Variants in KIF13A observed in about 807,000 individuals in gnomAD.
The protein encoded by KIF13A is kinesin-like protein KIF13A.
Under a neutral mutation model 212.2 loss-of-function variants are expected in KIF13A, and 79 were observed. That is an observed-to-expected ratio of 0.37 (90% CI 0.31 to 0.45). KIF13A has a LOEUF of 0.45. KIF13A is among the 20% of genes least tolerant of loss of function. The pLI, the probability that KIF13A is intolerant of heterozygous loss-of-function variation, is 1.00. For missense variants in KIF13A, 1,901 were observed against 2,209.0 expected (o/e 0.86, Z 2.79); for synonymous variants, 789 against 808.6 (o/e 0.98, Z 0.41).
downstream of KIF13A, among the ~76,000 whole-genome samples, chr6:17,761,890 C>A (rs1758602898): frequency 1.3e-5 from 2 of 152,014 alleles, no homozygotes; most frequent in African/African-American, 4.8e-5. Flanking sequence ...ATGGGCAGTG[C>A]TTCCCACAGT....
In KIF13A at chr6:17,811,790, A is replaced by G. The variant is rs1763444083; in HGVS notation, c.2001-2860T>C. Among the ~76,000 whole-genome samples, 1 of 151,896 alleles carries G rather than the reference A, an allele frequency of 6.6e-6. No homozygotes were observed. The highest frequency in any genetic ancestry group is 2.4e-5 in the African/African-American group (1 of 41,362). On this transcript the variant is annotated intron_variant, in intron 17 of 38. Transcript: ENST00000259711. This position sits in a 1 kb window ranked among gnomAD's most constrained non-coding sequence, Gnocchi z 6.0. ...TTGAATGACATTCCCAAAATATCTC[A>G]TCTTTTTTTTTCTTCCTTCCTTCCT...
At position 17,829,105 on chromosome 6, in the gene KIF13A, G is replaced by A. The variant is rs926911791; in HGVS notation, c.1402-735C>T. 2.0e-5 allele frequency among the ~76,000 whole-genome samples: 3 copies of A among 152,152 alleles called. No individual in the cohort carries two copies. Among genetic ancestry groups the A allele is most frequent in the East Asian group, 1.9e-4 (1 of 5,160 alleles). ...TGGGATTACAGGTATGCGCCACCAC[G>A]TCTGGCTAATTTTTATTTTTAGTAC... is the stretch of plus-strand genomic sequence containing the variant. On this transcript the variant is annotated intron_variant, in intron 13 of 38. Transcript: ENST00000259711. The surrounding 1 kb of genome is among the most constrained non-coding windows in gnomAD (Gnocchi z 5.4).
rs3734232 is a variant in KIF13A at position 17,780,910 on chromosome 6, G to T, written c.3670-4C>A. On this transcript the variant is annotated splice_region_variant and splice_polypyrimidine_tract_variant and intron_variant, in intron 30 of 38. Transcript: ENST00000259711. ...CCCAAGAGGCTGTGGCTGAAACCTA[G>T]GAGTTGGGGAATGATGAGGAGATGG... 85,630 of 1,611,254 alleles carry T rather than the reference G, an allele frequency of 0.053. 2,472 individuals carry two copies. Among genetic ancestry groups the T allele is most frequent in the East Asian group, 0.065 (2,922 of 44,830 alleles).
intron 2 of KIF13A, among the ~76,000 whole-genome samples, chr6:17,925,797 A>G (rs1260639205): frequency 6.6e-6 from 1 of 152,198 alleles, no homozygotes; most frequent in African/African-American, 2.4e-5. Context: ...GAAGGCAAAC[A>G]GTGTTATCTG....
Position 17,825,621 on chromosome 6 carries a change from T to C in KIF13A, c.1786+147A>G, listed in dbSNP as rs918332539. 8.5e-5 allele frequency: 59 copies of C among 693,568 alleles called. No individual in the cohort carries two copies. The African/African-American group carries it at 9.2e-4, about 11-fold the overall frequency. The allele number at this position is 693,568 out of a possible 1,614,324, so 43.0% of individuals were successfully genotyped here. On this transcript the variant is annotated intron_variant, in intron 16 of 38. Transcript: ENST00000259711. The surrounding 1 kb of genome is among the most constrained non-coding windows in gnomAD (Gnocchi z 4.5). ...CTCCCCCACATCTTGTCATTAGTTA[T>C]TCACTGATGGCCTTTTAAAGAAATG...
rs1763409202 is a variant in KIF13A at position 17,811,373 on chromosome 6, T to C, written c.2001-2443A>G. 1.3e-5 allele frequency among the ~76,000 whole-genome samples: 2 copies of C among 152,362 alleles called. No individual in the cohort carries two copies. The highest frequency in any genetic ancestry group is 4.8e-5 in the African/African-American group (2 of 41,572). ...ATACTTCAAAGGATTCCCTGTCCCT[T>C]GCAACTCATTTTCCAGGGTAGGAAA... On this transcript the variant is annotated intron_variant, in intron 17 of 38. Transcript: ENST00000259711. This position sits in a 1 kb window ranked among gnomAD's most constrained non-coding sequence, Gnocchi z 6.0.
rs1026617679 is a variant in KIF13A at position 17,932,624 on chromosome 6, C to T, written c.147-34444G>A. Among the ~76,000 whole-genome samples the T allele has an allele frequency of 7.2e-5, 11 of 152,236 alleles. No individual in the cohort carries two copies. The East Asian group carries it at 7.7e-4, about 11-fold the overall frequency. Reference sequence around the variant, plus strand: ...TCTCTGACCCACCAATCTGACACACCGGAACTGTCACCTCAACACCCTTGT... The same window carrying T: ...TCTCTGACCCACCAATCTGACACACTGGAACTGTCACCTCAACACCCTTGT... On this transcript the variant is annotated intron_variant, in intron 2 of 38. Transcript: ENST00000259711.
rs1452755139 is a variant in KIF13A, at chr6:17,773,501, T to C, written c.4301A>G (p.Asp1434Gly). The change falls in exon 36 of 39, where the codon GAT (aspartate) becomes GGT (glycine). Residue 1434 changes from aspartate (D) to glycine (G), a missense_variant. Around this residue, in one of 5 missense-constraint regions of KIF13A, gnomAD observed 687 missense variants for 759.1 expected, o/e 0.90. Coordinates refer to ENST00000259711, the MANE Select transcript of KIF13A (RefSeq NM_022113.6). This position sits in a 1 kb window ranked among gnomAD's most constrained non-coding sequence, Gnocchi z 4.2. ...DVACYGTLPR[D>G]SPRRNKEGCT... is the part of the protein sequence containing the mutation. ...ACCTTCTTTATTCCTTCGAGGAGAA[T>C]CCCTGGGTAAAGTTCCATAACATGC... 1 of 1,603,472 alleles carries C rather than the reference T, an allele frequency of 6.2e-7. No individual in the cohort carries two copies. The highest frequency in any genetic ancestry group is 1.7e-5 in the Admixed American group (1 of 59,946).
chr6:17,947,566 C>T lies in KIF13A; in HGVS notation c.146+39488G>A, dbSNP rs1278630474. ...ACCAAGAGCTGGGCGTGGTAGCTCA[C>T]GCCTGTAATCCCAGCACTTTGGGAG... On this transcript the variant is annotated intron_variant, in intron 2 of 38. Coordinates refer to ENST00000259711, the MANE Select transcript of KIF13A (RefSeq NM_022113.6). The surrounding 1 kb of genome is among the most constrained non-coding windows in gnomAD (Gnocchi z 4.6). Among the ~76,000 whole-genome samples the T allele has an allele frequency of 6.6e-6, 1 of 152,094 alleles. No individual in the cohort carries two copies. Among genetic ancestry groups the T allele is most frequent in the Non-Finnish European group, 1.5e-5 (1 of 68,022 alleles).
Position 17,892,953 on chromosome 6 carries a change from T to C in KIF13A, c.159+5215A>G, listed in dbSNP as rs573670034. On this transcript the variant is annotated intron_variant, in intron 3 of 38. Transcript: ENST00000259711. This position sits in a 1 kb window ranked among gnomAD's most constrained non-coding sequence, Gnocchi z 4.7. ...CCTGAGGAGGGGGACACGGGAACTC[T>C]TGATTTATAGCCGGTAGGTCAGAAG... Among the ~76,000 whole-genome samples, 2 of 152,338 alleles carry C rather than the reference T, an allele frequency of 1.3e-5. No individual in the cohort carries two copies. Among genetic ancestry groups the C allele is most frequent in the African/African-American group, 4.8e-5 (2 of 41,582 alleles).
At position 17,898,695 on chromosome 6, in the gene KIF13A, G is replaced by GTTA. The variant is rs1772796694; in HGVS notation, c.147-516_147-515insTAA. Among the ~76,000 whole-genome samples, 1 of 152,036 alleles carries GTTA rather than the reference G, an allele frequency of 6.6e-6. No homozygotes were observed. The highest frequency in any genetic ancestry group is 2.1e-4 in the South Asian group (1 of 4,826). On this transcript the variant is annotated intron_variant, in intron 2 of 38. Transcript: ENST00000259711. The surrounding 1 kb of genome is among the most constrained non-coding windows in gnomAD (Gnocchi z 5.2). ...TAAATAACTCATATTTTTTAACACT[G>GTTA]AATAGACATTTAAAAGCAAGTTTCC...
chr6:17,909,466 C>T (rs546146580), intron 2 of KIF13A, among the ~76,000 whole-genome samples: 13 of 138,412 alleles, frequency 9.4e-5, no homozygotes, highest in Non-Finnish European at 1.4e-4. Flanking sequence ...ACCCAGGAGG[C>T]GGAGGTTGCA....
rs750119852 is a variant in KIF13A, at chr6:17,787,883, C to G, written c.3262-8G>C. ...GCAGTTTAAGTCTTCTTCCTAACAT[C>G]AGGGAGGGAAAATATTTTCCTGTAG... On this transcript the variant is annotated splice_polypyrimidine_tract_variant and splice_region_variant and intron_variant, in intron 26 of 38. Transcript: ENST00000259711. The surrounding 1 kb of genome is among the most constrained non-coding windows in gnomAD (Gnocchi z 4.6). 1 of 1,531,858 alleles carries G rather than the reference C, an allele frequency of 6.5e-7. No individual in the cohort carries two copies. Among genetic ancestry groups the G allele is most frequent in the Non-Finnish European group, 9.0e-7 (1 of 1,105,602 alleles). 94.9% of individuals were successfully genotyped at this position (1,531,858 alleles called of 1,614,324 possible).
rs763146358 is a variant in KIF13A at position 17,856,084 on chromosome 6, G to T, written c.259C>A (p.Leu87Ile). The change falls in exon 5 of 39, where the codon CTT (leucine) becomes ATT (isoleucine). Residue 87 changes from leucine (L) to isoleucine (I), a missense_variant. By Grantham distance (5) the Leu-to-Ile change is conservative. Around this residue, in one of 5 missense-constraint regions of KIF13A, gnomAD observed 506 missense variants for 637.4 expected, o/e 0.79. Coordinates refer to ENST00000259711, the MANE Select transcript of KIF13A (RefSeq NM_022113.6). The surrounding 1 kb of genome is among the most constrained non-coding windows in gnomAD (Gnocchi z 4.5). Reference protein sequence around the residue: ...VVFKCLGEGILEKAFQGYNAC... With the variant: ...VVFKCLGEGIIEKAFQGYNAC... Reference sequence around the variant, plus strand: ...TTATACCCCTGAAAGGCTTTTTCAAGAATTCCTTCCCCAAGGCACTTGAAA... The same window carrying T: ...TTATACCCCTGAAAGGCTTTTTCAATAATTCCTTCCCCAAGGCACTTGAAA... 1.2e-6 allele frequency: 2 copies of T among 1,613,552 alleles called. No homozygotes were observed. The highest frequency in any genetic ancestry group is 2.2e-5 in the South Asian group (2 of 91,046).
chr6:17,889,749 GGCAATCAGGAGGCCTAGACTGGA>G (rs1477727312), intron 3 of KIF13A, among the ~76,000 whole-genome samples: 5 of 152,170 alleles, frequency 3.3e-5, no homozygotes, highest in African/African-American at 1.2e-4. Context: ...GTACCTGACT[GGCAATCAGGAGGCCTAGACTGGA>G]GCCAAGCTCT....
Position 17,773,527 on chromosome 6 carries a change from T to G in KIF13A, c.4275A>C (p.Val1425=), listed in dbSNP as rs1759674140. The G allele has an allele frequency of 1.2e-6, 2 of 1,612,278 alleles. No homozygotes were observed. The highest frequency in any genetic ancestry group is 4.5e-5 in the East Asian group (2 of 44,836). ...MSDYSSSYQD[V]ACYGTLPRDS... ...CCCTGGGTAAAGTTCCATAACATGCTACATCTTGGTAACTGGAGCTATAGT... is the reference window on the plus strand; with the variant it reads ...CCCTGGGTAAAGTTCCATAACATGCGACATCTTGGTAACTGGAGCTATAGT... Residue 1425 remains valine, a synonymous_variant, in exon 36 of 39, where the codon GTA becomes GTC. Coordinates refer to ENST00000259711, the MANE Select transcript of KIF13A (RefSeq NM_022113.6). The surrounding 1 kb of genome is among the most constrained non-coding windows in gnomAD (Gnocchi z 4.2).
intron 2 of KIF13A, among the ~76,000 whole-genome samples, chr6:17,901,246 A>G (rs1451495100): frequency 6.6e-6 from 1 of 152,100 alleles, no homozygotes; most frequent in African/African-American, 2.4e-5. Context: ...CTTCTTTGGT[A>G]GTTGTGAAGA....
At chr6:17,958,588 A>G (rs1778547098) in intron 2 of KIF13A, among the ~76,000 whole-genome samples, 1 of 152,256 alleles carries the variant, frequency 6.6e-6, no homozygotes, top group Admixed American at 6.5e-5. Flanking sequence ...ACACGCAAAG[A>G]CAATATGTAT....
At chr6:17,978,117 GA>G in intron 2 of KIF13A, among the ~76,000 whole-genome samples, 1 of 152,224 alleles carries the variant, frequency 6.6e-6, no homozygotes, top group South Asian at 2.1e-4. Flanking sequence ...TTGGACTGGT[GA>G]AATATCAGGT....
Sources: allele counts gnomAD v4.1 joint callset (sites outside exome capture counted in the v4.1 genomes callset), GRCh38; gene constraint gnomAD v4.1.1; regional missense constraint gnomAD v4.1.1; non-coding constraint Gnocchi (gnomAD v3.1); transcripts MANE v1.5; gene names NCBI Gene and HGNC (gene_info 2026-07-23, HGNC 2026-07-21).